Variants in AFAP1L2 observed in about 807,000 individuals in gnomAD.
AFAP1L2 encodes actin filament associated protein 1 like 2.
A neutral mutation model predicts 99.3 loss-of-function variants in AFAP1L2; 46 were observed. That is an observed-to-expected ratio of 0.46 (90% CI 0.37 to 0.59). The LOEUF (loss-of-function observed/expected upper bound fraction) is 0.59, where lower values mean the gene tolerates loss of function less well. Among genes scored for constraint, AFAP1L2 ranks in the 20% least tolerant of loss-of-function variants. AFAP1L2 has a pLI of 0.00. For synonymous variants in AFAP1L2, 397 were observed against 419.1 expected (o/e 0.95, Z 0.64); for missense variants, 959 against 1,034.9 (o/e 0.93, Z 1.01).
chr10:114,319,573 G>A (rs1000343917), intron 5 of AFAP1L2: 37 of 1,289,538 alleles, frequency 2.9e-5, no homozygotes, highest in South Asian at 1.5e-4. Context: ...CAAGGTGATC[G>A]TGGCATAAAT....
chr10:114,358,579 C>CAATAAT (rs1359983026), intron 1 of AFAP1L2, among the ~76,000 whole-genome samples: 2 of 151,940 alleles, frequency 1.3e-5, no homozygotes, highest in Non-Finnish European at 2.9e-5. Flanking sequence ...ATAACAATAA[C>CAATAAT]AATAATAATA....
the AFAP1L2 span, among the ~76,000 whole-genome samples, chr10:114,286,859 C>T: frequency 4.6e-5 from 7 of 152,168 alleles, no homozygotes; most frequent in Non-Finnish European, 1.0e-4. Context: ...TAAGCAGGCT[C>T]CAGAGCAGCA....
At chr10:114,303,514 C>G (rs1397000021) in intron 11 of AFAP1L2, among the ~76,000 whole-genome samples, 1 of 152,142 alleles carries the variant, frequency 6.6e-6, no homozygotes, top group East Asian at 1.9e-4. Flanking sequence ...ACCATGTTGG[C>G]CAGGCTGGTT....
rs552918118 is a variant in AFAP1L2 at position 114,364,757 on chromosome 10, T to C, written c.17-24026A>G. 3.3e-5 allele frequency among the ~76,000 whole-genome samples: 5 copies of C among 152,240 alleles called. No individual in the cohort carries two copies. In the South Asian group the frequency reaches 1.0e-3, roughly 32 times the overall value. ...TTAATAAACCCCCTTCTTTGAGCCCTCTCACCTGTGGCCCCTGCACTGAGC... is the reference window on the plus strand; with the variant it reads ...TTAATAAACCCCCTTCTTTGAGCCCCCTCACCTGTGGCCCCTGCACTGAGC... On this transcript the variant is annotated intron_variant, in intron 1 of 18. Transcript: ENST00000304129.
At chr10:114,366,404 G>C (rs964241943) in intron 1 of AFAP1L2, among the ~76,000 whole-genome samples, 1 of 152,110 alleles carries the variant, frequency 6.6e-6, no homozygotes, top group African/African-American at 2.4e-5. Flanking sequence ...GGACCCACTG[G>C]CTGTGACCAT....
At chr10:114,333,114 G>T in intron 3 of AFAP1L2, 107 bp downstream of exon 3, 1 of 1,032,656 alleles carries the variant, frequency 9.7e-7, no homozygotes, top group Non-Finnish European at 1.5e-6. Flanking sequence ...CGCCAGGCGG[G>T]TCTGTGTGCC....
chr10:114,395,316 C>T (rs2057578451), intron 1 of AFAP1L2, among the ~76,000 whole-genome samples: 1 of 152,156 alleles, frequency 6.6e-6, no homozygotes, highest in African/African-American at 2.4e-5. Context: ...AGGATAGTAA[C>T]AGAATATTTG....
chr10:114,332,434 T>C (rs1467625695), intron 3 of AFAP1L2, among the ~76,000 whole-genome samples: 1 of 152,194 alleles, frequency 6.6e-6, no homozygotes, highest in Non-Finnish European at 1.5e-5. Flanking sequence ...AGCCTGTCCA[T>C]TTCAGCCAGC....
intron 1 of AFAP1L2, among the ~76,000 whole-genome samples, chr10:114,403,691 T>C (rs936190895): frequency 2.6e-5 from 4 of 152,126 alleles, no homozygotes; most frequent in Non-Finnish European, 4.4e-5. Flanking sequence ...AAGCTGGGCG[T>C]CCGGCGCACC....
chr10:114,401,569 G>A (rs544186400), intron 1 of AFAP1L2, among the ~76,000 whole-genome samples: 62 of 152,076 alleles, frequency 4.1e-4, no homozygotes, highest in Non-Finnish European at 8.1e-4. Context: ...TTTTACCATC[G>A]CTATTTATGG....
Position 114,296,124 on chromosome 10 carries a change from T to A in AFAP1L2, c.2431-56A>T. 3.1e-6 allele frequency: 5 copies of A among 1,610,988 alleles called. No homozygotes were observed. In the South Asian group the frequency reaches 4.4e-5, roughly 14 times the overall value. ...CCCCCACCAAAAAGATAGTTAGTTA[T>A]CCACTGTAGCAACCTTGATATACAT... On this transcript the variant is annotated intron_variant, in intron 18 of 18. Transcript: ENST00000304129.
intron 1 of AFAP1L2, among the ~76,000 whole-genome samples, chr10:114,365,999 G>C (rs2053186843): frequency 6.6e-6 from 1 of 152,072 alleles, no homozygotes; most frequent in South Asian, 2.1e-4. Context: ...GCCTCCCAAA[G>C]TGCTGAGATT....
chr10:114,328,123 C>A (rs2046668035), intron 4 of AFAP1L2, among the ~76,000 whole-genome samples: 2 of 152,224 alleles, frequency 1.3e-5, no homozygotes, highest in African/African-American at 4.8e-5. Context: ...GCTGTGCAGA[C>A]AGCAGCCTGG....
chr10:114,382,746 C>T (rs937578832), intron 1 of AFAP1L2, among the ~76,000 whole-genome samples: 5 of 151,980 alleles, frequency 3.3e-5, no homozygotes, highest in African/African-American at 9.7e-5. Context: ...CAGGCATGTG[C>T]CACCACACCT....
intron 1 of AFAP1L2, among the ~76,000 whole-genome samples, chr10:114,386,141 G>A (rs1167585471): frequency 6.6e-6 from 1 of 152,114 alleles, no homozygotes; most frequent in Non-Finnish European, 1.5e-5. Flanking sequence ...CCAGGCCCTC[G>A]GTAACCTCAT....
intron 6 of AFAP1L2, among the ~76,000 whole-genome samples, chr10:114,314,374 C>T (rs1354610451): frequency 1.3e-5 from 2 of 152,216 alleles, no homozygotes; most frequent in African/African-American, 2.4e-5. Flanking sequence ...CTGTGTTCAC[C>T]GTTCAGTTCT....
intron 1 of AFAP1L2, among the ~76,000 whole-genome samples, chr10:114,403,666 C>G (rs2058436333): frequency 1.3e-5 from 2 of 152,190 alleles, no homozygotes; most frequent in South Asian, 4.1e-4. Flanking sequence ...CTCCGAGGCT[C>G]CGAGTGTGGG....
chr10:114,358,988 C>T (rs1175435007), intron 1 of AFAP1L2, among the ~76,000 whole-genome samples: 1 of 152,096 alleles, frequency 6.6e-6, no homozygotes, highest in Admixed American at 6.6e-5. Context: ...CGCCTAGATT[C>T]GTATATACAT....
chr10:114,386,671 G>C lies in AFAP1L2; in HGVS notation c.16+17769C>G, dbSNP rs529547246. On this transcript the variant is annotated intron_variant, in intron 1 of 18. Transcript: ENST00000304129. ...TGCACCTGCTCCACAGCAGCTGCCA[G>C]GAGGCCCAGGGGTTCCTTAGGCCCA... 5.6e-4 allele frequency among the ~76,000 whole-genome samples: 85 copies of C among 152,314 alleles called. 1 individual carries two copies. The highest frequency in any genetic ancestry group is 3.7e-3 in the Admixed American group (57 of 15,308).
Sources: allele counts gnomAD v4.1 joint callset (sites outside exome capture counted in the v4.1 genomes callset), GRCh38; gene constraint gnomAD v4.1.1; transcripts MANE v1.5; gene names NCBI Gene and HGNC (gene_info 2026-07-23, HGNC 2026-07-21).